Variants in NAALADL2 observed in about 807,000 individuals in gnomAD.
NAALADL2 encodes N-acetylated alpha-linked acidic dipeptidase like 2.
In NAALADL2, 76 loss-of-function variants were observed where a neutral mutation model predicts 87.2. The observed-to-expected ratio is 0.87, with a 90% confidence interval of 0.72 to 1.05. The LOEUF is 1.05. Among genes scored for constraint, NAALADL2 ranks in the 50% least tolerant of loss-of-function variants. The probability of loss-of-function intolerance (pLI) is 0.00; values close to 1 mark genes in which losing one functional copy is unlikely to be tolerated. For missense variants in NAALADL2, 1,089 were observed against 945.8 expected, an observed-to-expected ratio of 1.15 and a Z score of -1.99; for synonymous variants, 354 against 331.0, an observed-to-expected ratio of 1.07 and a Z score of -0.75.
intron 2 of NAALADL2, among the ~76,000 whole-genome samples, chr3:175,230,626 G>A (rs1228994908): frequency 6.6e-6 from 1 of 151,998 alleles, no homozygotes; most frequent in Admixed American, 6.6e-5. Flanking sequence ...GGTAAAGGAA[G>A]CCTTGGAAAA....
chr3:175,388,748 A>T (rs1768724741), intron 5 of NAALADL2, among the ~76,000 whole-genome samples: 1 of 152,042 alleles, frequency 6.6e-6, no homozygotes, highest in African/African-American at 2.4e-5. Context: ...ATGCCATCTG[A>T]ACTATTTCTT....
At chr3:174,734,969 TC>T (rs904396146) in intron 2 of NAALADL2, among the ~76,000 whole-genome samples, 3 of 152,176 alleles carry the variant, frequency 2.0e-5, no homozygotes, top group Admixed American at 2.0e-4. Context: ...AGAATTTTTT[TC>T]TAGTCACAAG....
intron 5 of NAALADL2, among the ~76,000 whole-genome samples, chr3:175,392,015 G>A (rs974220010): frequency 8.5e-5 from 13 of 152,092 alleles, no homozygotes; most frequent in South Asian, 2.1e-4. Context: ...TCCATTTTAC[G>A]AATGAAGAAA....
At chr3:174,451,005 T>A (rs1715446278) in intron 1 of NAALADL2, among the ~76,000 whole-genome samples, 1 of 152,212 alleles carries the variant, frequency 6.6e-6, no homozygotes, top group Admixed American at 6.5e-5. Flanking sequence ...TCAAAATTTT[T>A]AATTTTACTT....
intron 4 of NAALADL2, among the ~76,000 whole-genome samples, chr3:175,315,683 A>AT (rs750655799): frequency 2.4e-4 from 36 of 152,192 alleles, no homozygotes; most frequent in Non-Finnish European, 4.0e-4. Context: ...TAAAATTAGC[A>AT]TTTTCTAGTA....
intron 2 of NAALADL2, among the ~76,000 whole-genome samples, chr3:175,170,738 A>G (rs1734683743): frequency 6.6e-6 from 1 of 151,514 alleles, no homozygotes; most frequent in Non-Finnish European, 1.5e-5. Flanking sequence ...TTAGGAAATA[A>G]TTAAATTATG....
At chr3:175,377,275 G>A (rs979175759) in intron 5 of NAALADL2, among the ~76,000 whole-genome samples, 9 of 152,146 alleles carry the variant, frequency 5.9e-5, no homozygotes, top group Admixed American at 2.6e-4. Context: ...TCGTGCCACT[G>A]AACTCCAGCC....
chr3:175,294,819 A>G (rs1490046811), intron 4 of NAALADL2, among the ~76,000 whole-genome samples: 1 of 152,198 alleles, frequency 6.6e-6, no homozygotes. Flanking sequence ...TTCATCTGAC[A>G]GAAAAATTAT....
At chr3:175,482,299 A>T (rs1197576593) in intron 9 of NAALADL2, among the ~76,000 whole-genome samples, 1 of 151,930 alleles carries the variant, frequency 6.6e-6, no homozygotes, top group African/African-American at 2.4e-5. Flanking sequence ...GCTGTTGACT[A>T]TTAAATTTCC....
intron 2 of NAALADL2, among the ~76,000 whole-genome samples, chr3:175,183,906 A>G (rs1736961195): frequency 6.6e-6 from 1 of 152,090 alleles, no homozygotes; most frequent in African/African-American, 2.4e-5. Flanking sequence ...TTTTCATTAT[A>G]TTTAAAAACA....
intron 2 of NAALADL2, among the ~76,000 whole-genome samples, chr3:174,643,722 A>G (rs1723492460): frequency 6.6e-6 from 1 of 152,188 alleles, no homozygotes; most frequent in Non-Finnish European, 1.5e-5. Context: ...CATTTTGAGC[A>G]TGCAGAATCA....
At chr3:174,792,057 A>T (rs950715009) in intron 3 of NAALADL2, among the ~76,000 whole-genome samples, 5 of 145,226 alleles carry the variant, frequency 3.4e-5, no homozygotes, top group Non-Finnish European at 7.9e-5. Context: ...AAAACAAAAA[A>T]CAAACAAACA....
chr3:174,593,443 G>A (rs1048886767), intron 2 of NAALADL2, among the ~76,000 whole-genome samples: 8 of 152,016 alleles, frequency 5.3e-5, no homozygotes, highest in African/African-American at 1.9e-4. Context: ...GGCACAAAGA[G>A]GTTTTTGTAT....
intron 3 of NAALADL2, among the ~76,000 whole-genome samples, chr3:174,807,869 T>TTGTGTGTGTGTGTGTGTGTG (rs374956917): frequency 6.0e-5 from 9 of 149,956 alleles, no homozygotes; most frequent in East Asian, 2.0e-4. Context: ...ATTATTTTCA[T>TTGTGTGTGTGTGTGTGTGTG]TGTGTGTGTG....
chr3:174,737,043 G>A (rs1208928974), intron 2 of NAALADL2, among the ~76,000 whole-genome samples: 1 of 152,232 alleles, frequency 6.6e-6, no homozygotes, highest in Non-Finnish European at 1.5e-5. Flanking sequence ...GACTGGAAGG[G>A]TGGGGGTCCT....
At chr3:175,352,982 GA>G (rs1431979294) in intron 5 of NAALADL2, among the ~76,000 whole-genome samples, 3 of 152,016 alleles carry the variant, frequency 2.0e-5, no homozygotes, top group African/African-American at 7.2e-5. Flanking sequence ...TTGTTTTCTT[GA>G]AATCAACGAA....
chr3:175,170,408 A>G (rs1279604803), intron 2 of NAALADL2, among the ~76,000 whole-genome samples: 2 of 148,112 alleles, frequency 1.4e-5, no homozygotes, highest in African/African-American at 4.9e-5. Context: ...GCAATAGGGT[A>G]TGCCATTTAA....
chr3:175,755,692 A>C (rs543865531), intron 13 of NAALADL2, among the ~76,000 whole-genome samples: 1 of 150,954 alleles, frequency 6.6e-6, no homozygotes, highest in East Asian at 1.9e-4. Flanking sequence ...GCCAATGAAA[A>C]AGCAAATGGA....
rs183047636 is a variant in NAALADL2, at chr3:175,166,485, G to C, written c.546-67446G>C. ...GAAATCTTTCCGTCTTGATCCTACT[G>C]TCTCTCAGCAGCAGTTAGAACTCTT... On this transcript the variant is annotated intron_variant, in intron 2 of 13. Coordinates refer to ENST00000454872, the MANE Select transcript of NAALADL2 (RefSeq NM_207015.3). 4.5e-3 allele frequency among the ~76,000 whole-genome samples: 680 copies of C among 152,070 alleles called. 2 individuals carry two copies. The highest frequency in any genetic ancestry group is 0.024 in the South Asian group (114 of 4,826).
Sources: allele counts gnomAD v4.1 joint callset (sites outside exome capture counted in the v4.1 genomes callset), GRCh38; gene constraint gnomAD v4.1.1; transcripts MANE v1.5; gene names NCBI Gene and HGNC (gene_info 2026-07-23, HGNC 2026-07-21).